Variants in FOXP2 observed in about 807,000 individuals in gnomAD.
FOXP2 encodes the protein forkhead box protein P2.
A neutral mutation model predicts 115.8 loss-of-function variants in FOXP2; 12 were observed. That is an observed-to-expected ratio of 0.10 (90% confidence interval 0.07 to 0.17). The LOEUF is 0.17. Among genes scored for constraint, FOXP2 ranks in the 10% least tolerant of loss-of-function variants. The pLI, the probability that FOXP2 is intolerant of heterozygous loss-of-function variation, is 1.00. For synonymous variants in FOXP2, 328 were observed against 297.7 expected, an observed-to-expected ratio of 1.10 and a Z score of -1.05; for missense variants, 629 against 843.5, an observed-to-expected ratio of 0.75 and a Z score of 3.15.
chr7:114,093,322 C>T (rs1799579481), intron 1 of FOXP2, among the ~76,000 whole-genome samples: 1 of 152,036 alleles, frequency 6.6e-6, no homozygotes, highest in South Asian at 2.1e-4. Flanking sequence ...TCTAACTGTC[C>T]AATATAAAGT....
chr7:114,185,921 A>G (rs961704926), intron 1 of FOXP2, among the ~76,000 whole-genome samples: 1 of 152,196 alleles, frequency 6.6e-6, no homozygotes, highest in Non-Finnish European at 1.5e-5. Context: ...CCTGGGAAAT[A>G]CACTATCAAT....
At chr7:114,106,113 A>G (rs1791105523) in intron 1 of FOXP2, among the ~76,000 whole-genome samples, 1 of 152,118 alleles carries the variant, frequency 6.6e-6, no homozygotes, top group African/African-American at 2.4e-5. Flanking sequence ...CATCAGACAG[A>G]TGGAGAGCAA....
chr7:114,281,647 C>A (rs956814027), intron 1 of FOXP2, among the ~76,000 whole-genome samples: 1 of 152,068 alleles, frequency 6.6e-6, no homozygotes. Flanking sequence ...AGAACATTAT[C>A]TGCCAATAAA....
chr7:114,564,450 T>C (rs966811200), intron 3 of FOXP2, among the ~76,000 whole-genome samples: 10 of 152,186 alleles, frequency 6.6e-5, no homozygotes, highest in African/African-American at 2.4e-4. Flanking sequence ...AGTATTCTTA[T>C]TTTTATTCCC....
chr7:114,095,271 T>G (rs1273534759), intron 1 of FOXP2, among the ~76,000 whole-genome samples: 1 of 152,160 alleles, frequency 6.6e-6, no homozygotes, highest in Non-Finnish European at 1.5e-5. Flanking sequence ...TTAAAACATT[T>G]TAAGAAATGC....
intron 2 of FOXP2, among the ~76,000 whole-genome samples, chr7:114,493,921 A>G (rs1038152673): frequency 5.3e-5 from 8 of 151,896 alleles, no homozygotes; most frequent in Admixed American, 2.0e-4. Context: ...GAAATTATCT[A>G]ATAGAATTAA....
At chr7:114,354,355 A>G (rs981897974) in intron 2 of FOXP2, among the ~76,000 whole-genome samples, 1 of 152,140 alleles carries the variant, frequency 6.6e-6, no homozygotes, top group East Asian at 1.9e-4. Context: ...TCCAATTCCT[A>G]TAATAAGCCT....
intron 6 of FOXP2, among the ~76,000 whole-genome samples, chr7:114,638,957 A>G (rs1805376563): frequency 1.3e-5 from 2 of 152,198 alleles, no homozygotes; most frequent in Admixed American, 1.3e-4. Context: ...TTGAGGGCCT[A>G]CTAACTGCCT....
intron 16 of FOXP2, among the ~76,000 whole-genome samples, chr7:114,684,076 G>T (rs1808232776): frequency 6.6e-6 from 1 of 152,052 alleles, no homozygotes. Context: ...ACAGGGTCTT[G>T]CTTTGTTGCC....
intron 6 of FOXP2, among the ~76,000 whole-genome samples, chr7:114,636,778 C>T (rs1805245859): frequency 6.6e-6 from 1 of 151,830 alleles, no homozygotes; most frequent in Non-Finnish European, 1.5e-5. Context: ...ACTTCGTGTG[C>T]CTTAAGGACA....
chr7:114,244,295 TC>T (rs1465395365), intron 1 of FOXP2, among the ~76,000 whole-genome samples: 1 of 151,404 alleles, frequency 6.6e-6, no homozygotes, highest in African/African-American at 2.5e-5. Context: ...TAAACTCAAG[TC>T]CATACTTTAT....
intron 2 of FOXP2, among the ~76,000 whole-genome samples, chr7:114,385,330 C>A (rs13232831): frequency 0.43 from 65,226 of 152,000 alleles, 16,081 homozygotes; most frequent in East Asian, 0.63. Flanking sequence ...ATTCAGAGGT[C>A]AGGAGAATTT....
intron 2 of FOXP2, among the ~76,000 whole-genome samples, chr7:114,492,129 T>C (rs967803629): frequency 6.6e-6 from 1 of 152,164 alleles, no homozygotes; most frequent in Admixed American, 6.5e-5. Flanking sequence ...TTCTTCCTGG[T>C]TTAGTCTTGG....
At chr7:114,655,220 A>G (rs1806514912) in intron 10 of FOXP2, among the ~76,000 whole-genome samples, 1 of 152,138 alleles carries the variant, frequency 6.6e-6, no homozygotes, top group African/African-American at 2.4e-5. Flanking sequence ...TAATGTAGAT[A>G]ATCACAAGAC....
intron 2 of FOXP2, among the ~76,000 whole-genome samples, chr7:114,397,268 T>A (rs1792767533): frequency 6.6e-6 from 1 of 152,180 alleles, no homozygotes; most frequent in South Asian, 2.1e-4. Flanking sequence ...TTTATTTATA[T>A]ATTCAGTCAA....
intron 2 of FOXP2, among the ~76,000 whole-genome samples, chr7:114,291,155 T>C (rs575186119): frequency 6.6e-6 from 1 of 152,308 alleles, no homozygotes; most frequent in Admixed American, 6.5e-5. Context: ...TAATGGGTGC[T>C]GGAAGATTAA....
intron 1 of FOXP2, among the ~76,000 whole-genome samples, chr7:114,135,862 C>G (rs1053313342): frequency 6.6e-6 from 1 of 152,032 alleles, no homozygotes; most frequent in Non-Finnish European, 1.5e-5. Context: ...CTTCCTAGTT[C>G]TCACCCTGAA....
chr7:114,445,445 C>T lies in FOXP2; in HGVS notation c.168+18766C>T, dbSNP rs114309742. 6.7e-3 allele frequency among the ~76,000 whole-genome samples: 1,021 copies of T among 152,168 alleles called. 6 individuals are homozygous for T. Among genetic ancestry groups the T allele is most frequent in the African/African-American group, 0.023 (974 of 41,530 alleles). On this transcript the variant is annotated intron_variant, in intron 2 of 16. Coordinates refer to ENST00000350908, the MANE Select transcript of FOXP2 (RefSeq NM_014491.4). ...CAACTCCAACTTTACAATTCATTTCCTTTTATGTCTGTTTTTAGTGTGTTG... is the reference window on the plus strand; with the variant it reads ...CAACTCCAACTTTACAATTCATTTCTTTTTATGTCTGTTTTTAGTGTGTTG...
chr7:114,688,249 CT>C (rs111370043), intron 16 of FOXP2, among the ~76,000 whole-genome samples: 85 of 116,506 alleles, frequency 7.3e-4, no homozygotes, highest in Non-Finnish European at 7.2e-4. Flanking sequence ...ACACACACAT[CT>C]TTTTTTTTTT....
Sources: gnomAD v4.1 joint callset for allele counts (sites outside exome capture counted in the v4.1 genomes callset) on GRCh38, gnomAD v4.1.1 for gene constraint, MANE v1.5 for transcripts, NCBI Gene and HGNC (gene_info 2026-07-23, HGNC 2026-07-21) for gene names.